The following ZEB1 variants were observed in gnomAD, a reference collection of about 807,000 sequenced individuals.
ZEB1 encodes the protein zinc finger E-box binding homeobox 1.
Under a neutral mutation model 84.9 loss-of-function variants are expected in ZEB1, and 21 were observed. That is an observed-to-expected ratio of 0.25 (90% CI 0.18 to 0.36). ZEB1 has a LOEUF of 0.36. ZEB1 is among the 10% of genes least tolerant of loss of function. The pLI is 1.00. For synonymous variants in ZEB1, 420 were observed against 471.1 expected (o/e 0.89, Z 1.41); for missense variants, 1,104 against 1,330.2 (o/e 0.83, Z 2.65).
intron 1 of ZEB1, among the ~76,000 whole-genome samples, chr10:31,362,570 G>T (rs2043463251): frequency 6.6e-6 from 1 of 151,590 alleles, no homozygotes; most frequent in Non-Finnish European, 1.5e-5. Context: ...CTGTGAGGCT[G>T]CTGGGCAGAG....
chr10:31,367,657 A>AT (rs774274484), intron 1 of ZEB1, among the ~76,000 whole-genome samples: 71 of 152,276 alleles, frequency 4.7e-4, no homozygotes, highest in Non-Finnish European at 6.5e-4. Context: ...GATGAGGCAT[A>AT]TTTTTTTGGT....
At chr10:31,442,658 A>C (rs1313336685) in intron 1 of ZEB1, among the ~76,000 whole-genome samples, 1 of 152,182 alleles carries the variant, frequency 6.6e-6, no homozygotes, top group African/African-American at 2.4e-5. Flanking sequence ...GGAGTCAACA[A>C]ATGGCATTTA....
At chr10:31,329,827 T>TTGGC (rs1216878096) in intron 1 of ZEB1, among the ~76,000 whole-genome samples, 1 of 152,172 alleles carries the variant, frequency 6.6e-6, no homozygotes, top group Non-Finnish European at 1.5e-5. Context: ...GGTGTATGTA[T>TTGGC]TGGCCACTTG....
At chr10:31,363,152 G>T in intron 1 of ZEB1, 1 of 1,533,920 alleles carries the variant, frequency 6.5e-7, no homozygotes, top group Non-Finnish European at 8.7e-7. Context: ...TCCTTGGGCT[G>T]CATGTCCTCC....
At chr10:31,514,515 C>T in intron 5 of ZEB1, 88 bp from the exon 6 acceptor site, 1 of 1,196,670 alleles carries the variant, frequency 8.4e-7, no homozygotes, top group Non-Finnish European at 1.2e-6. Context: ...CCATCAGGCT[C>T]ACAAAAATGT....
chr10:31,521,377 T>G lies in ZEB1; in HGVS notation c.2045T>G (p.Leu682Trp), dbSNP rs756636203. 3 of 1,614,092 alleles carry G rather than the reference T, an allele frequency of 1.9e-6. No individual in the cohort carries two copies. Among genetic ancestry groups the G allele is most frequent in the Non-Finnish European group, 8.5e-7 (1 of 1,180,018 alleles). ...QDSTVNLQSP[L>W]KMTNSPVLPV... ...AGCACAGTAAATCTACAAAGTCCTT[T>G]GAAGATGACTAACTCCCCAGTTTTA... is the stretch of plus-strand genomic sequence containing the variant. The change falls in exon 7 of 9, where the codon TTG (leucine) becomes TGG (tryptophan). Residue 682 changes from leucine (L) to tryptophan (W), a missense_variant. This residue lies in a region of ZEB1 where 531 missense variants were observed against 575.2 expected (regional missense o/e 0.92). Coordinates refer to ENST00000424869, the MANE Select transcript of ZEB1 (RefSeq NM_001174096.2).
chr10:31,458,092 T>TGAGA (rs897726594), intron 1 of ZEB1, among the ~76,000 whole-genome samples: 103 of 152,164 alleles, frequency 6.8e-4, no homozygotes, highest in African/African-American at 2.3e-3. Context: ...CAAGCATATT[T>TGAGA]GAGAGCCTTG....
intron 3 of ZEB1, among the ~76,000 whole-genome samples, 153 bp downstream of exon 3, chr10:31,495,991 A>G (rs1421902011): frequency 6.6e-6 from 1 of 152,096 alleles, no homozygotes; most frequent in East Asian, 1.9e-4. Context: ...ATGGTGCACT[A>G]CATAAAAAGA....
intron 1 of ZEB1, among the ~76,000 whole-genome samples, chr10:31,349,653 C>T (rs572334281): frequency 2.2e-4 from 34 of 152,300 alleles, no homozygotes; most frequent in African/African-American, 7.9e-4. Flanking sequence ...TTTTAATTTG[C>T]ATTTCCCTGA....
At chr10:31,329,111 A>T (rs1168998712) in intron 1 of ZEB1, among the ~76,000 whole-genome samples, 1 of 152,066 alleles carries the variant, frequency 6.6e-6, no homozygotes, top group Non-Finnish European at 1.5e-5. Flanking sequence ...TACATGTGTA[A>T]CTGCTACCAC....
intron 2 of ZEB1, among the ~76,000 whole-genome samples, chr10:31,468,945 A>G (rs2137784081): frequency 1.3e-5 from 2 of 152,320 alleles, no homozygotes; most frequent in South Asian, 4.1e-4. Context: ...AAAACTTTGA[A>G]ATGACAGATA....
At chr10:31,511,207 G>T (rs1173561428) in intron 5 of ZEB1, among the ~76,000 whole-genome samples, 2 of 152,124 alleles carry the variant, frequency 1.3e-5, no homozygotes, top group Non-Finnish European at 1.5e-5. Context: ...AATGTTCAGT[G>T]TAGGAAAAAT....
At chr10:31,486,427 T>G (rs2065775913) in intron 2 of ZEB1, among the ~76,000 whole-genome samples, 1 of 151,716 alleles carries the variant, frequency 6.6e-6, no homozygotes, top group Non-Finnish European at 1.5e-5. Context: ...TTCTAATAGG[T>G]GTGTTTTCAT....
chr10:31,458,897 T>C (rs2061530429), intron 1 of ZEB1, among the ~76,000 whole-genome samples: 1 of 152,124 alleles, frequency 6.6e-6, no homozygotes, highest in South Asian at 2.1e-4. Context: ...TAGATGCCCC[T>C]TGACTTATGA....
chr10:31,338,192 G>T (rs1231836558), intron 1 of ZEB1, among the ~76,000 whole-genome samples: 2 of 152,074 alleles, frequency 1.3e-5, no homozygotes, highest in East Asian at 3.8e-4. Context: ...CTTAAAATAT[G>T]TGTGTTACTA....
chr10:31,524,145 A>G (rs377641176), intron 8 of ZEB1, 32 bp downstream of exon 8: 2 of 1,594,790 alleles, frequency 1.3e-6, no homozygotes, highest in Admixed American at 1.7e-5. Context: ...TAAAGTGTCC[A>G]TGATATGATA....
chr10:31,321,677 G>A lies in ZEB1; in HGVS notation c.58+2385G>A, dbSNP rs1473434626. On this transcript the variant is annotated intron_variant, in intron 1 of 8. Coordinates refer to ENST00000424869, the MANE Select transcript of ZEB1 (RefSeq NM_001174096.2). ...GCGTCTGTGCAGCTGCTGTAAACATGTTTACCTGAACAGGAAAGAATGGAT... is the reference window on the plus strand; with the variant it reads ...GCGTCTGTGCAGCTGCTGTAAACATATTTACCTGAACAGGAAAGAATGGAT... 8.7e-6 allele frequency: 10 copies of A among 1,155,618 alleles called. No individual in the cohort carries two copies. In the East Asian group the frequency reaches 2.1e-4, roughly 24 times the overall value. 71.6% of individuals were successfully genotyped at this position (1,155,618 alleles called of 1,614,324 possible).
At chr10:31,392,755 G>A (rs1157770393) in intron 1 of ZEB1, among the ~76,000 whole-genome samples, 3 of 151,454 alleles carry the variant, frequency 2.0e-5, no homozygotes, top group African/African-American at 7.2e-5. Flanking sequence ...AGAAAACAAG[G>A]CAACTTGGAA....
intron 1 of ZEB1, among the ~76,000 whole-genome samples, chr10:31,450,501 T>C (rs987951274): frequency 2.0e-5 from 3 of 152,174 alleles, no homozygotes; most frequent in Non-Finnish European, 2.9e-5. Flanking sequence ...GAATTTTCTA[T>C]AAATGTTATT....
Sources: allele counts gnomAD v4.1 joint callset (sites outside exome capture counted in the v4.1 genomes callset), GRCh38; gene constraint gnomAD v4.1.1; regional missense constraint gnomAD v4.1.1; transcripts MANE v1.5; gene names NCBI Gene and HGNC (gene_info 2026-07-23, HGNC 2026-07-21).